ASTN2: variants seen among roughly 807,000 people sequenced by gnomAD.
The protein encoded by ASTN2 is astrotactin-2.
Under a neutral mutation model 139.8 loss-of-function variants are expected in ASTN2, and 54 were observed. That is an observed-to-expected ratio of 0.39 (90% confidence interval 0.31 to 0.48). The LOEUF is 0.48. Ranked by LOEUF, ASTN2 falls within the 20% of genes least tolerant of loss-of-function variation. ASTN2 has a pLI of 0.95. For missense variants in ASTN2, 1,565 were observed against 1,725.1 expected (o/e 0.91, Z 1.64); for synonymous variants, 756 against 719.5 (o/e 1.05, Z -0.81).
intron 13 of ASTN2, among the ~76,000 whole-genome samples, chr9:116,777,312 AATC>A (rs1310139373): frequency 1.3e-5 from 2 of 152,064 alleles, no homozygotes; most frequent in Non-Finnish European, 2.9e-5. Flanking sequence ...ATAATTTGAT[AATC>A]ATATCCTTCC....
chr9:116,947,302 A>G (rs2063479612), intron 10 of ASTN2, among the ~76,000 whole-genome samples: 1 of 152,188 alleles, frequency 6.6e-6, no homozygotes, highest in African/African-American at 2.4e-5. Flanking sequence ...TTTTCAAGAT[A>G]ATGAATGTGA....
intron 3 of ASTN2, among the ~76,000 whole-genome samples, chr9:117,182,167 AAG>A (rs1236718830): frequency 3.3e-5 from 5 of 152,094 alleles, no homozygotes. Context: ...TCCTGAGGAA[AAG>A]AGAGCAGGCC....
chr9:117,108,747 C>A (rs1019533468), intron 4 of ASTN2, among the ~76,000 whole-genome samples: 5 of 152,142 alleles, frequency 3.3e-5, no homozygotes, highest in African/African-American at 1.2e-4. Context: ...TGTCAAATAT[C>A]TTGGGTGCAT....
intron 19 of ASTN2, among the ~76,000 whole-genome samples, chr9:116,578,042 T>C (rs1189412654): frequency 6.6e-6 from 1 of 152,150 alleles, no homozygotes; most frequent in Non-Finnish European, 1.5e-5. Flanking sequence ...AGGCAAAAGA[T>C]AATTATGAAG....
chr9:117,286,523 C>G (rs558347882), intron 2 of ASTN2, among the ~76,000 whole-genome samples: 1 of 152,258 alleles, frequency 6.6e-6, no homozygotes, highest in Non-Finnish European at 1.5e-5. Context: ...GATACCAACA[C>G]TAAAAGAACC....
chr9:117,306,721 T>C (rs1445661199), intron 1 of ASTN2, among the ~76,000 whole-genome samples: 3 of 152,144 alleles, frequency 2.0e-5, no homozygotes, highest in African/African-American at 7.2e-5. Context: ...CTATTATTTA[T>C]CTGAGAATAG....
intron 13 of ASTN2, among the ~76,000 whole-genome samples, chr9:116,755,326 G>A (rs1829505999): frequency 6.6e-6 from 1 of 152,140 alleles, no homozygotes; most frequent in South Asian, 2.1e-4. Flanking sequence ...ATCGCAGAAT[G>A]TGTCTGTATT....
intron 3 of ASTN2, among the ~76,000 whole-genome samples, chr9:117,190,011 G>A (rs761887380): frequency 3.3e-5 from 5 of 152,122 alleles, no homozygotes; most frequent in African/African-American, 7.2e-5. Context: ...CAGATCATAA[G>A]GGCTGTCTCA....
chr9:116,595,896 C>G (rs1286231736), intron 19 of ASTN2, among the ~76,000 whole-genome samples: 1 of 152,108 alleles, frequency 6.6e-6, no homozygotes, highest in African/African-American at 2.4e-5. Flanking sequence ...AAAAATAGAA[C>G]TGCTAGATGA....
chr9:116,830,901 T>G (rs1831794643), intron 11 of ASTN2, among the ~76,000 whole-genome samples: 1 of 151,594 alleles, frequency 6.6e-6, no homozygotes, highest in South Asian at 2.1e-4. Flanking sequence ...AAATACGGAA[T>G]TAACCTGAAT....
chr9:116,636,494 G>A (rs1248269864), intron 17 of ASTN2, among the ~76,000 whole-genome samples: 1 of 152,100 alleles, frequency 6.6e-6, no homozygotes, highest in Non-Finnish European at 1.5e-5. Flanking sequence ...GGCCAACATG[G>A]TGAAACCCCA....
chr9:117,171,997 T>C (rs771906808), intron 3 of ASTN2, among the ~76,000 whole-genome samples: 3 of 152,136 alleles, frequency 2.0e-5, no homozygotes, highest in Non-Finnish European at 4.4e-5. Flanking sequence ...TCAAACATGA[T>C]GTTTTGAGTG....
chr9:116,426,216 T>G (rs4836708), intron 22 of ASTN2, 128 bp from the exon 23 acceptor site: 359,021 of 1,176,504 alleles, frequency 0.31, 56,740 homozygotes, highest in Admixed American at 0.47. Context: ...CAGATTGGAG[T>G]GTGGTACTTC....
chr9:116,637,649 A>T (rs1351450432), intron 17 of ASTN2, among the ~76,000 whole-genome samples: 1 of 152,190 alleles, frequency 6.6e-6, no homozygotes, highest in Non-Finnish European at 1.5e-5. Context: ...GATTCAATAT[A>T]AAGAAGGGGC....
intron 22 of ASTN2, among the ~76,000 whole-genome samples, chr9:116,430,064 C>T (rs1847447923): frequency 6.6e-6 from 1 of 152,130 alleles, no homozygotes. Context: ...GCAGACTCTT[C>T]CAAGCCATGA....
chr9:116,891,583 G>A (rs1235678418), intron 10 of ASTN2, among the ~76,000 whole-genome samples: 1 of 152,232 alleles, frequency 6.6e-6, no homozygotes, highest in East Asian at 1.9e-4. Flanking sequence ...ATCGCTGGGA[G>A]TATAGGGTCA....
intron 2 of ASTN2, among the ~76,000 whole-genome samples, chr9:117,269,160 G>A (rs1834003717): frequency 6.6e-6 from 1 of 152,174 alleles, no homozygotes; most frequent in African/African-American, 2.4e-5. Flanking sequence ...GTTTCATTAT[G>A]GAGGCCAAAT....
intron 19 of ASTN2, among the ~76,000 whole-genome samples, chr9:116,572,490 C>A (rs966837368): frequency 5.3e-5 from 8 of 152,088 alleles, no homozygotes; most frequent in African/African-American, 1.9e-4. Context: ...CCGTTGAAAG[C>A]GAGATGTTTT....
chr9:117,190,331 A>G (rs142676315), intron 3 of ASTN2, among the ~76,000 whole-genome samples: 2 of 152,332 alleles, frequency 1.3e-5, no homozygotes, highest in African/African-American at 4.8e-5. Flanking sequence ...ACAAAACATT[A>G]TGTAGGGGCT....
Sources: allele counts gnomAD v4.1 joint callset (sites outside exome capture counted in the v4.1 genomes callset), GRCh38; gene constraint gnomAD v4.1.1; transcripts MANE v1.5; gene names NCBI Gene and HGNC (gene_info 2026-07-23, HGNC 2026-07-21).